SAMD12: variants seen among roughly 807,000 people sequenced by gnomAD.
SAMD12 encodes the protein sterile alpha motif domain-containing protein 12.
A neutral mutation model predicts 15.0 loss-of-function variants in SAMD12; 9 were observed. The observed-to-expected ratio is 0.60, with a 90% CI of 0.36 to 1.05. The LOEUF is 1.05. Among genes scored for constraint, SAMD12 ranks in the 50% least tolerant of loss-of-function variants. The pLI, the probability that SAMD12 is intolerant of heterozygous loss-of-function variation, is 0.01. For synonymous variants in SAMD12, 86 were observed against 90.1 expected, an observed-to-expected ratio of 0.96 and a Z score of 0.25; for missense variants, 230 against 234.2, an observed-to-expected ratio of 0.98 and a Z score of 0.12.
At chr8:118,494,847 T>C (rs1206526904) in intron 2 of SAMD12, among the ~76,000 whole-genome samples, 1 of 152,160 alleles carries the variant, frequency 6.6e-6, no homozygotes, top group African/African-American at 2.4e-5. Context: ...ACACAAAGCA[T>C]AGTATAATAA....
At chr8:118,547,370 G>A (rs969964592) in intron 2 of SAMD12, among the ~76,000 whole-genome samples, 2 of 152,042 alleles carry the variant, frequency 1.3e-5, no homozygotes, top group African/African-American at 2.4e-5. Context: ...AGTAAGGCTA[G>A]TTTCTCCCCT....
At chr8:118,415,450 T>G (rs7825710) in intron 3 of SAMD12, among the ~76,000 whole-genome samples, 5 of 110,312 alleles carry the variant, frequency 4.5e-5, no homozygotes, top group South Asian at 4.7e-4. Context: ...TGTCCTAAGG[T>G]GTGTGTGTGT....
In SAMD12 at chr8:118,251,967, G is replaced by C. The variant is rs556008923; in HGVS notation, c.434-54235C>G. On this transcript the variant is annotated intron_variant, in intron 4 of 4. Coordinates refer to the SAMD12 transcript ENST00000409003. ...AGAAAGAGAAATACCCAAGGGGAAA[G>C]ATACTTCAATTATAAATATCTACAT... Among the ~76,000 whole-genome samples the C allele has an allele frequency of 1.5e-4, 23 of 151,988 alleles. No individual in the cohort carries two copies. The South Asian group carries it at 4.8e-3, about 32-fold the overall frequency.
intron 4 of SAMD12, among the ~76,000 whole-genome samples, chr8:118,366,881 T>TAATAAAATAAAATAA (rs67702658): frequency 1.5e-4 from 8 of 52,362 alleles, no homozygotes; most frequent in African/African-American, 4.9e-4. Context: ...TAAAATAAAA[T>TAATAAAATAAAATAA]AATAAAATAA....
At chr8:118,209,238 A>C (rs1819951189) in intron 4 of SAMD12, among the ~76,000 whole-genome samples, 1 of 152,220 alleles carries the variant, frequency 6.6e-6, no homozygotes, top group Non-Finnish European at 1.5e-5. Context: ...AAAAGTTTAA[A>C]AGAAAAAAGA....
chr8:118,346,815 T>C (rs1196742283), intron 4 of SAMD12, among the ~76,000 whole-genome samples: 3 of 152,212 alleles, frequency 2.0e-5, no homozygotes, highest in African/African-American at 7.2e-5. Flanking sequence ...AGTAGAGTCA[T>C]ACAGGATGTG....
intron 2 of SAMD12, among the ~76,000 whole-genome samples, chr8:118,478,909 A>C (rs1824043110): frequency 6.6e-6 from 1 of 152,204 alleles, no homozygotes; most frequent in African/African-American, 2.4e-5. Flanking sequence ...TGTCATAATT[A>C]CTCAAGGCCA....
intron 4 of SAMD12, among the ~76,000 whole-genome samples, chr8:118,230,651 C>G (rs1362511176): frequency 6.6e-6 from 1 of 151,912 alleles, no homozygotes; most frequent in Non-Finnish European, 1.5e-5. Context: ...TGCATTTATA[C>G]TGAAAACTGA....
intron 2 of SAMD12, among the ~76,000 whole-genome samples, chr8:118,480,121 T>A (rs1013063975): frequency 6.6e-6 from 1 of 152,194 alleles, no homozygotes; most frequent in Non-Finnish European, 1.5e-5. Flanking sequence ...AGCAAATGGT[T>A]TTCTCTTTCA....
intron 4 of SAMD12, among the ~76,000 whole-genome samples, chr8:118,287,955 T>A (rs560496078): frequency 6.6e-6 from 1 of 152,306 alleles, no homozygotes; most frequent in South Asian, 2.1e-4. Flanking sequence ...AAGCTTCTGC[T>A]TTTCTGGATT....
intron 2 of SAMD12, among the ~76,000 whole-genome samples, chr8:118,530,204 CTTTAT>C (rs1825647035): frequency 6.6e-6 from 1 of 152,104 alleles, no homozygotes; most frequent in Non-Finnish European, 1.5e-5. Context: ...CCTTTGCCTA[CTTTAT>C]TTTTTCCTTT....
At chr8:118,297,648 G>A (rs190989953) in intron 4 of SAMD12, among the ~76,000 whole-genome samples, 15 of 152,176 alleles carry the variant, frequency 9.9e-5, no homozygotes, top group East Asian at 7.7e-4. Context: ...TCACAGGAAC[G>A]GCAGTGTTAC....
In SAMD12 at chr8:118,243,231, C is replaced by T. The variant is rs191165110; in HGVS notation, c.434-45499G>A. ...AGCACAATATCATTTGTATGGATTG[C>T]ATATATATCCACACTCAATAGTATA... On this transcript the variant is annotated intron_variant, in intron 4 of 4. Coordinates refer to the SAMD12 transcript ENST00000409003. 4.6e-5 allele frequency among the ~76,000 whole-genome samples: 7 copies of T among 152,126 alleles called. No individual in the cohort carries two copies. In the East Asian group the frequency reaches 1.4e-3, roughly 29 times the overall value.
At chr8:118,541,305 C>T (rs1198380285) in intron 2 of SAMD12, among the ~76,000 whole-genome samples, 1 of 152,136 alleles carries the variant, frequency 6.6e-6, no homozygotes, top group Non-Finnish European at 1.5e-5. Context: ...TAAGCCTTAC[C>T]CTTCCTCAAG....
downstream of SAMD12, chr8:118,375,620 T>G (rs563187632): frequency 7.8e-4 from 119 of 152,318 alleles, no homozygotes; most frequent in Admixed American, 3.5e-3. Flanking sequence ...CCCTATTTGG[T>G]GAGCACAGCA....
At chr8:118,314,981 G>A (rs1420843676) in intron 4 of SAMD12, among the ~76,000 whole-genome samples, 1 of 152,156 alleles carries the variant, frequency 6.6e-6, no homozygotes, top group African/African-American at 2.4e-5. Context: ...TTTTATTTCT[G>A]CCTTATGCAG....
intron 4 of SAMD12, among the ~76,000 whole-genome samples, chr8:118,278,908 A>T (rs1396041270): frequency 1.3e-5 from 2 of 152,164 alleles, no homozygotes; most frequent in African/African-American, 4.8e-5. Flanking sequence ...GTCATACTCG[A>T]GGTGATAAAA....
chr8:118,397,405 T>C (rs1820635954), intron 3 of SAMD12, among the ~76,000 whole-genome samples: 1 of 152,128 alleles, frequency 6.6e-6, no homozygotes, highest in Non-Finnish European at 1.5e-5. Context: ...CAACTGGTTG[T>C]CTGTTGAGTG....
At chr8:118,145,984 C>G in the SAMD12 span, among the ~76,000 whole-genome samples, 1 of 152,152 alleles carries the variant, frequency 6.6e-6, no homozygotes, top group African/African-American at 2.4e-5. Flanking sequence ...GAAGGGAGAT[C>G]AAAGCGATGC....
Sources: allele counts gnomAD v4.1 joint callset (sites outside exome capture counted in the v4.1 genomes callset), GRCh38; gene constraint gnomAD v4.1.1; transcripts MANE v1.5; gene names NCBI Gene and HGNC (gene_info 2026-07-23, HGNC 2026-07-21).